The following C8orf76 variants were observed in gnomAD, a reference collection of about 807,000 sequenced individuals.
C8orf76 encodes chromosome 8 open reading frame 76, also known as uncharacterized protein C8orf76.
Under a neutral mutation model 38.1 loss-of-function variants are expected in C8orf76, and 46 were observed. That is an observed-to-expected ratio of 1.21 (90% CI 0.95 to 1.54). The LOEUF (loss-of-function observed/expected upper bound fraction) is 1.54. Ranked by LOEUF, C8orf76 falls within the 40% of genes most tolerant of loss-of-function variation. The pLI, the probability that C8orf76 is intolerant of heterozygous loss-of-function variation, is 0.00. For missense variants in C8orf76, 461 were observed against 441.6 expected (o/e 1.04, Z -0.39); for synonymous variants, 166 against 167.5 (o/e 0.99, Z 0.07).
Position 123,239,076 on chromosome 8 carries a change from G to C in C8orf76, c.186C>G (p.Asp62Glu). Residue 62 changes from aspartate (D) to glutamate (E), a missense_variant, in exon 2 of 6, where the codon GAC becomes GAG. Coordinates refer to ENST00000276704, the MANE Select transcript of C8orf76 (RefSeq NM_032847.3). ...GATACTCTTGTCGTCTGTAGGCCAG[G>C]TCTCCTTTGAATTTCTTGAGAGTCA... ...EVLTLKKFKGDLAYRRQEYQK... is the reference protein window; with the variant it reads ...EVLTLKKFKGELAYRRQEYQK... 6.2e-7 allele frequency: 1 copy of C among 1,614,026 alleles called. No individual in the cohort carries two copies. Among genetic ancestry groups the C allele is most frequent in the South Asian group, 1.1e-5 (1 of 91,078 alleles).
intron 4 of C8orf76, among the ~76,000 whole-genome samples, chr8:123,230,964 CA>C (rs569226434): frequency 3.0e-4 from 45 of 151,518 alleles, no homozygotes; most frequent in African/African-American, 1.0e-3. Context: ...GTTAACTTTT[CA>C]AAAAAAAATT....
At chr8:123,221,917 A>T (rs879258803) in intron 5 of C8orf76, among the ~76,000 whole-genome samples, 1 of 152,144 alleles carries the variant, frequency 6.6e-6, no homozygotes, top group Non-Finnish European at 1.5e-5. Flanking sequence ...TCCAAAAAAA[A>T]TTTTAAAAAA....
intron 4 of C8orf76, among the ~76,000 whole-genome samples, chr8:123,229,210 G>A (rs529193558): frequency 3.9e-5 from 6 of 152,326 alleles, no homozygotes; most frequent in African/African-American, 9.6e-5. Flanking sequence ...GAATATTAAC[G>A]TGGAGTGAGC....
chr8:123,232,350 G>C (rs1232132652), intron 3 of C8orf76, among the ~76,000 whole-genome samples: 1 of 152,200 alleles, frequency 6.6e-6, no homozygotes, highest in East Asian at 1.9e-4. Context: ...TTGGCCAAAA[G>C]GGGTTGCTTA....
At chr8:123,238,900 G>A (rs1586813053) in intron 2 of C8orf76, 149 bp downstream of exon 2, 2 of 736,080 alleles carry the variant, frequency 2.7e-6, no homozygotes, top group Admixed American at 5.9e-5. Context: ...GAAAAGAACG[G>A]AAACTTGGGA....
At chr8:123,236,567 T>C (rs1825487799) in intron 3 of C8orf76, among the ~76,000 whole-genome samples, 1 of 152,052 alleles carries the variant, frequency 6.6e-6, no homozygotes, top group Non-Finnish European at 1.5e-5. Context: ...GGCGGGCGGA[T>C]CACAAGGTCA....
rs370517186 is a variant in C8orf76 at position 123,226,676 on chromosome 8, G to A, written c.816-44C>T. ...TCAATGCGTGGCGAAAAGTCCCAAC[G>A]CTTCCAGATAAAGGAAAGCCGCGAG... On this transcript the variant is annotated intron_variant, in intron 4 of 5. Coordinates refer to ENST00000276704, the MANE Select transcript of C8orf76 (RefSeq NM_032847.3). The A allele has an allele frequency of 1.2e-4, 182 of 1,547,746 alleles. 2 individuals are homozygous for A. Among genetic ancestry groups the A allele is most frequent in the South Asian group, 7.1e-4 (57 of 80,808 alleles).
At chr8:123,230,241 T>C (rs1275391073) in intron 4 of C8orf76, among the ~76,000 whole-genome samples, 2 of 152,170 alleles carry the variant, frequency 1.3e-5, no homozygotes, top group Non-Finnish European at 2.9e-5. Flanking sequence ...TAAAAAGTAC[T>C]TGGTATCCCT....
At chr8:123,226,224 A>G (rs1563797298) in intron 5 of C8orf76, 7 of 1,293,098 alleles carry the variant, frequency 5.4e-6, no homozygotes, top group Non-Finnish European at 5.9e-6. Flanking sequence ...TCAGCACTGA[A>G]ACAAACAATT....
chr8:123,222,260 G>A (rs1041080558), intron 5 of C8orf76, among the ~76,000 whole-genome samples: 8 of 151,916 alleles, frequency 5.3e-5, no homozygotes, highest in East Asian at 1.9e-4. Flanking sequence ...CTGGGATTAC[G>A]GGCGTGCGCC....
intron 3 of C8orf76, among the ~76,000 whole-genome samples, chr8:123,236,113 CAA>C (rs745572285): frequency 7.9e-5 from 12 of 152,156 alleles, no homozygotes; most frequent in Admixed American, 3.3e-4. Flanking sequence ...CAATTACTGC[CAA>C]AGTTTCCTCG....
chr8:123,221,969 T>C (rs978940917), intron 5 of C8orf76, among the ~76,000 whole-genome samples: 3 of 152,124 alleles, frequency 2.0e-5, no homozygotes, highest in African/African-American at 7.2e-5. Context: ...TGTGATAGTG[T>C]AAATGGCATC....
intron 5 of C8orf76, among the ~76,000 whole-genome samples, chr8:123,225,743 T>C (rs1397703008): frequency 6.6e-6 from 1 of 152,040 alleles, no homozygotes; most frequent in African/African-American, 2.4e-5. Context: ...CTGGCCAACA[T>C]GGTGAACCCT....
At position 123,224,239 on chromosome 8, in the gene C8orf76, A is replaced by C. The variant is rs192153848; in HGVS notation, c.948+2261T>G. ...ATCCTAATTCAAATAAAAGAATTAC[A>C]AACAGGAAAAAAAAGCATGTGATCA... On this transcript the variant is annotated intron_variant, in intron 5 of 5. Coordinates refer to ENST00000276704, the MANE Select transcript of C8orf76 (RefSeq NM_032847.3). Among the ~76,000 whole-genome samples the C allele has an allele frequency of 8.5e-5, 13 of 152,362 alleles. No individual in the cohort carries two copies. The South Asian group carries it at 2.5e-3, about 29-fold the overall frequency.
intron 5 of C8orf76, among the ~76,000 whole-genome samples, chr8:123,221,370 T>C (rs1824891364): frequency 6.6e-6 from 1 of 152,224 alleles, no homozygotes; most frequent in Admixed American, 6.5e-5. Flanking sequence ...CGAGGCAGGA[T>C]GGTCGCTTAA....
chr8:123,221,441 G>A (rs1824893064), intron 5 of C8orf76, among the ~76,000 whole-genome samples: 1 of 152,120 alleles, frequency 6.6e-6, no homozygotes, highest in Non-Finnish European at 1.5e-5. Context: ...ACAAAAAAAA[G>A]TATCATTTTT....
At chr8:123,225,747 G>A (rs748160471) in intron 5 of C8orf76, among the ~76,000 whole-genome samples, 1 of 151,952 alleles carries the variant, frequency 6.6e-6, no homozygotes, top group Non-Finnish European at 1.5e-5. Flanking sequence ...CCAACATGGT[G>A]AACCCTGTCT....
chr8:123,237,339 T>C (rs768783079), intron 3 of C8orf76, among the ~76,000 whole-genome samples: 3 of 152,168 alleles, frequency 2.0e-5, no homozygotes, highest in Non-Finnish European at 4.4e-5. Context: ...AAAAAAATTC[T>C]GCAAATTCCA....
At chr8:123,232,525 G>A (rs542318308) in intron 3 of C8orf76, among the ~76,000 whole-genome samples, 2 of 152,324 alleles carry the variant, frequency 1.3e-5, no homozygotes, top group African/African-American at 2.4e-5. Context: ...TTACCTTCAA[G>A]TTGATGTGAG....
Sources: allele counts gnomAD v4.1 joint callset (sites outside exome capture counted in the v4.1 genomes callset), GRCh38; gene constraint gnomAD v4.1.1; transcripts MANE v1.5; gene names NCBI Gene and HGNC (gene_info 2026-07-23, HGNC 2026-07-21).